RASA2: variants seen among roughly 807,000 people sequenced by gnomAD.
RASA2 encodes ras GTPase-activating protein 2.
A neutral mutation model predicts 118.2 loss-of-function variants in RASA2; 155 were observed. The ratio of observed to expected loss-of-function variants is 1.31; its 90% CI spans 1.15 to 1.50. The LOEUF (loss-of-function observed/expected upper bound fraction) is 1.50, where lower values mean the gene tolerates loss of function less well. Ranked by LOEUF, RASA2 falls within the 40% of genes most tolerant of loss-of-function variation. The probability of loss-of-function intolerance (pLI) is 0.00; values close to 1 mark genes in which losing one functional copy is unlikely to be tolerated. For synonymous variants in RASA2, 353 were observed against 349.1 expected, an observed-to-expected ratio of 1.01 and a Z score of -0.12; for missense variants, 1,016 against 1,009.6, an observed-to-expected ratio of 1.01 and a Z score of -0.09.
At chr3:141,529,048 C>G (rs1195613538) in intron 3 of RASA2, among the ~76,000 whole-genome samples, 1 of 151,962 alleles carries the variant, frequency 6.6e-6, no homozygotes, top group African/African-American at 2.4e-5. Flanking sequence ...TCTGTTTCTT[C>G]CTCTCATACT....
rs1183277033 is a variant in RASA2, at chr3:141,577,089, T to C, written c.1573T>C (p.Leu525=). The change falls in exon 15 of 24, where the codon TTG becomes CTG. Residue 525 remains leucine, a synonymous_variant. Coordinates refer to ENST00000286364, the MANE Select transcript of RASA2 (RefSeq NM_006506.5). ...VAVVSPHTFH[L]RPHHPDAQTI... ...CGTAGTATCACCTCATACTTTTCAT[T>C]TGCGACCTCATCATCCAGTAAGTGT... 6.3e-7 allele frequency: 1 copy of C among 1,599,782 alleles called. No homozygotes were observed. The highest frequency in any genetic ancestry group is 8.6e-7 in the Non-Finnish European group (1 of 1,168,646).
chr3:141,573,307 T>C, intron 13 of RASA2, 86 bp downstream of exon 13: 1 of 1,374,146 alleles, frequency 7.3e-7, no homozygotes, highest in Non-Finnish European at 9.6e-7. Flanking sequence ...GATAAAGCCA[T>C]ATAGAGGGAA....
In RASA2 at chr3:141,609,388, A is replaced by G. The variant is rs75309656; in HGVS notation, c.2226-32A>G. 10,278 of 1,351,420 alleles carry G rather than the reference A, an allele frequency of 7.6e-3. 431 individuals carry two copies. The African/African-American group carries it at 0.1, about 14-fold the overall frequency. The allele number at this position is 1,351,420 out of a possible 1,614,324, so 83.7% of individuals were successfully genotyped here. On this transcript the variant is annotated intron_variant, in intron 21 of 23. Transcript: ENST00000286364. Reference sequence around the variant, plus strand: ...GGCATGTTAACAAAATAAAATTTGTATAATATCTTTATTTTTTTATTTTTA... The same window carrying G: ...GGCATGTTAACAAAATAAAATTTGTGTAATATCTTTATTTTTTTATTTTTA...
chr3:141,503,120 G>A (rs112051277), intron 1 of RASA2, among the ~76,000 whole-genome samples: 1 of 152,102 alleles, frequency 6.6e-6, no homozygotes, highest in African/African-American at 2.4e-5. Flanking sequence ...ATTTAACACT[G>A]TCTTGGAGCA....
chr3:141,610,164 C>T (rs2083615618), intron 23 of RASA2, 98 bp downstream of exon 23: 1 of 1,041,894 alleles, frequency 9.6e-7, no homozygotes, highest in African/African-American at 1.6e-5. Flanking sequence ...CCACATCTGT[C>T]AACATCCCGC....
chr3:141,493,278 T>C lies in RASA2; in HGVS notation c.133+6062T>C, dbSNP rs116757407. Among the ~76,000 whole-genome samples, 697 of 152,356 alleles carry C rather than the reference T, an allele frequency of 4.6e-3. 5 individuals carry two copies. The highest frequency in any genetic ancestry group is 0.016 in the African/African-American group (666 of 41,584). On this transcript the variant is annotated intron_variant, in intron 1 of 23. Coordinates refer to ENST00000286364, the MANE Select transcript of RASA2 (RefSeq NM_006506.5). ...ACTGTGCCGTCTACACACTCTTAACTGTTCCTTCTTAAGAACTTTGTGAAG... is the reference window on the plus strand; with the variant it reads ...ACTGTGCCGTCTACACACTCTTAACCGTTCCTTCTTAAGAACTTTGTGAAG...
At chr3:141,598,453 C>T (rs1420666532) in intron 19 of RASA2, among the ~76,000 whole-genome samples, 1 of 152,128 alleles carries the variant, frequency 6.6e-6, no homozygotes, top group Non-Finnish European at 1.5e-5. Context: ...AAAAGATAAT[C>T]TCCTAAATCT....
intron 3 of RASA2, among the ~76,000 whole-genome samples, chr3:141,516,646 C>T (rs1487317146): frequency 1.3e-5 from 2 of 152,140 alleles, no homozygotes; most frequent in African/African-American, 4.8e-5. Context: ...CCCCTAGTCA[C>T]TATGTCATAT....
At chr3:141,578,124 T>C (rs1225356662) in intron 15 of RASA2, among the ~76,000 whole-genome samples, 1 of 152,220 alleles carries the variant, frequency 6.6e-6, no homozygotes, top group Non-Finnish European at 1.5e-5. Flanking sequence ...TATTTGGTCC[T>C]CCTAGCAACC....
At chr3:141,557,447 G>A (rs1384668012) in intron 7 of RASA2, among the ~76,000 whole-genome samples, 1 of 152,166 alleles carries the variant, frequency 6.6e-6, no homozygotes, top group East Asian at 1.9e-4. Flanking sequence ...AGACAGAAAA[G>A]CAGAAAGTTA....
chr3:141,487,492 T>A (rs1382345134), intron 1 of RASA2, among the ~76,000 whole-genome samples: 1 of 150,826 alleles, frequency 6.6e-6, no homozygotes, highest in Non-Finnish European at 1.5e-5. Context: ...CGTGAGGGGC[T>A]CGGTCGTGGG....
chr3:141,558,879 T>A lies in RASA2; in HGVS notation c.685-7T>A. 6.3e-7 allele frequency: 1 copy of A among 1,582,650 alleles called. No individual in the cohort carries two copies. The highest frequency in any genetic ancestry group is 1.1e-5 in the South Asian group (1 of 88,872). ...AAAAAATTTTTACTAAAATATTTTG[T>A]TTACAGGTAACCAGATCCAGTAGTT... is the stretch of plus-strand genomic sequence containing the variant. On this transcript the variant is annotated splice_polypyrimidine_tract_variant and splice_region_variant and intron_variant, in intron 7 of 23. Coordinates refer to ENST00000286364, the MANE Select transcript of RASA2 (RefSeq NM_006506.5).
intron 15 of RASA2, among the ~76,000 whole-genome samples, chr3:141,577,475 C>T (rs1367316251): frequency 1.3e-5 from 2 of 151,834 alleles, no homozygotes; most frequent in African/African-American, 2.4e-5. Flanking sequence ...AATCTACTTT[C>T]CTGATTTATT....
chr3:141,531,503 TTACA>T (rs961136604), intron 4 of RASA2, among the ~76,000 whole-genome samples: 4 of 151,544 alleles, frequency 2.6e-5, no homozygotes, highest in African/African-American at 4.8e-5. Context: ...TACACACACA[TTACA>T]TACACATGGG....
At chr3:141,585,788 A>C (rs994607048) in intron 17 of RASA2, among the ~76,000 whole-genome samples, 4 of 152,148 alleles carry the variant, frequency 2.6e-5, no homozygotes, top group Non-Finnish European at 5.9e-5. Context: ...CAACAGAGTG[A>C]GCCTCTGTCT....
intron 15 of RASA2, 61 bp from the exon 16 acceptor site, chr3:141,580,307 T>C: frequency 1.5e-6 from 2 of 1,344,158 alleles, no homozygotes; most frequent in Non-Finnish European, 2.1e-6. Flanking sequence ...TCTATTCTAC[T>C]TTTTTATACA....
chr3:141,576,559 G>T (rs767621134), intron 14 of RASA2, among the ~76,000 whole-genome samples: 53 of 152,138 alleles, frequency 3.5e-4, no homozygotes, highest in Non-Finnish European at 7.4e-4. Flanking sequence ...AATTGTTTTT[G>T]TTGCATAACT....
intron 15 of RASA2, among the ~76,000 whole-genome samples, chr3:141,577,842 G>A (rs1482380107): frequency 6.6e-6 from 1 of 151,974 alleles, no homozygotes; most frequent in Non-Finnish European, 1.5e-5. Context: ...ACTTTGTTCT[G>A]GAGTCCTGTT....
At chr3:141,496,998 A>T (rs1192824788) in intron 1 of RASA2, among the ~76,000 whole-genome samples, 8 of 152,174 alleles carry the variant, frequency 5.3e-5, no homozygotes, top group Non-Finnish European at 1.2e-4. Flanking sequence ...AAAATGGATG[A>T]ATTCATGTCC....
Sources: gnomAD v4.1 joint callset for allele counts (sites outside exome capture counted in the v4.1 genomes callset) on GRCh38, gnomAD v4.1.1 for gene constraint, MANE v1.5 for transcripts, NCBI Gene and HGNC (gene_info 2026-07-23, HGNC 2026-07-21) for gene names.